Variants in ZC3H10 observed in about 807,000 individuals in gnomAD.
ZC3H10 encodes zinc finger CCCH domain-containing protein 10.
ZC3H10 carries 12 observed loss-of-function variants against 24.3 expected under a neutral mutation model. That is an observed-to-expected ratio of 0.49 (90% CI 0.32 to 0.80). The LOEUF is 0.80. ZC3H10 is among the 30% of genes least tolerant of loss of function. The pLI is 0.04. For missense variants in ZC3H10, 360 were observed against 576.3 expected (o/e 0.62, Z 3.84); for synonymous variants, 226 against 217.0 (o/e 1.04, Z -0.36).
chr12:56,120,646 G>T lies in ZC3H10; in HGVS notation c.84G>T (p.Gly28=). The change falls in exon 3 of 3, where the codon GGG becomes GGT. Residue 28 remains glycine, a synonymous_variant. Coordinates refer to ENST00000257940, the MANE Select transcript of ZC3H10 (RefSeq NM_032786.3). ...GTGGTGGCAGCGAGGAGGCCAGTGG[G>T]GCAGGGGTAGGCAGTGGCGGGGCCA... ...PGGGGSEEAS[G]AGVGSGGASS... 6.2e-7 allele frequency: 1 copy of T among 1,609,578 alleles called. No individual in the cohort carries two copies. The highest frequency in any genetic ancestry group is 8.5e-7 in the Non-Finnish European group (1 of 1,177,344).
At position 56,121,467 on chromosome 12, in the gene ZC3H10, T is replaced by C. The variant is rs747246765; in HGVS notation, c.905T>C (p.Val302Ala). Residue 302 changes from valine to alanine, a missense_variant, in exon 3 of 3, where the codon GTT becomes GCT. This residue lies in a region of ZC3H10 where 133 missense variants were observed against 256.7 expected (regional missense o/e 0.52). Coordinates refer to ENST00000257940, the MANE Select transcript of ZC3H10 (RefSeq NM_032786.3). This position sits in a 1 kb window ranked among gnomAD's most constrained non-coding sequence, Gnocchi z 6.2. Reference sequence around the variant, plus strand: ...ACTCTGGCCCCCACTGTGGGCACTGTTGCCACTTTTAACCATGGCATTGCC... The same window carrying C: ...ACTCTGGCCCCCACTGTGGGCACTGCTGCCACTTTTAACCATGGCATTGCC... ...EQTLAPTVGT[V>A]ATFNHGIAQT... 2 of 1,610,970 alleles carry C rather than the reference T, an allele frequency of 1.2e-6. No homozygotes were observed. Among genetic ancestry groups the C allele is most frequent in the South Asian group, 2.2e-5 (2 of 91,046 alleles).
At position 56,120,623 on chromosome 12, in the gene ZC3H10, G is replaced by A. The variant is rs1010817737; in HGVS notation, c.61G>A (p.Gly21Ser). The change falls in exon 3 of 3, where the codon GGT (glycine) becomes AGT (serine). Residue 21 changes from glycine to serine, a missense_variant. Physicochemically the swap from Gly to Ser is moderately conservative, Grantham distance 56 (BLOSUM62 0). Coordinates refer to ENST00000257940, the MANE Select transcript of ZC3H10 (RefSeq NM_032786.3). ...GAGCAGCGGTGGAGGCCCTGGAGGT[G>A]GTGGCAGCGAGGAGGCCAGTGGGGC... ...TGSSGGGPGG[G>S]GSEEASGAGV... 1.3e-5 allele frequency: 21 copies of A among 1,598,124 alleles called. No homozygotes were observed. The highest frequency in any genetic ancestry group is 1.8e-5 in the Non-Finnish European group (21 of 1,171,260).
rs1465202246 is a variant in ZC3H10, at chr12:56,127,177, T to C, written c.*5310T>C. On this transcript the variant is annotated 3_prime_UTR_variant, in exon 3 of 3. Coordinates refer to ENST00000257940, the MANE Select transcript of ZC3H10 (RefSeq NM_032786.3). ...ACAACACTCCACCTCTAACGCCAGT[T>C]AACTAGTAACAATAGTCATCGGTGT... The C allele has an allele frequency of 6.6e-6, 1 of 152,246 alleles. No individual in the cohort carries two copies. Among genetic ancestry groups the C allele is most frequent in the Non-Finnish European group, 1.5e-5 (1 of 68,042 alleles). 9.4% of individuals were successfully genotyped at this position (152,246 alleles called of 1,614,324 possible). A position where few individuals can be genotyped will look rare whatever the true frequency, so the allele number is the denominator to read the frequency against.
rs759663408 is a variant in ZC3H10 at position 56,121,356 on chromosome 12, A to G, written c.794A>G (p.Asn265Ser). 11 of 1,614,054 alleles carry G rather than the reference A, an allele frequency of 6.8e-6. No individual in the cohort carries two copies. Among genetic ancestry groups the G allele is most frequent in the African/African-American group, 1.3e-5 (1 of 75,022 alleles). ...CAGGTCAGCAACCTGCTGGCCACCAATGAGGTACTACTGGAACAAAATGCT... is the reference window on the plus strand; with the variant it reads ...CAGGTCAGCAACCTGCTGGCCACCAGTGAGGTACTACTGGAACAAAATGCT... ...KKQVSNLLAT[N>S]EVLLEQNAQF... Residue 265 changes from asparagine (N) to serine (S), a missense_variant, in exon 3 of 3, where the codon AAT becomes AGT. Physicochemically the swap from Asn to Ser is conservative, Grantham distance 46 (BLOSUM62 1). This residue lies in a region of ZC3H10 where 133 missense variants were observed against 256.7 expected (regional missense o/e 0.52). Transcript: ENST00000257940. This position sits in a 1 kb window ranked among gnomAD's most constrained non-coding sequence, Gnocchi z 6.2.
At position 56,127,154 on chromosome 12, in the gene ZC3H10, A is replaced by C. The variant is rs1010678097; in HGVS notation, c.*5287A>C. The C allele has an allele frequency of 6.6e-6, 1 of 152,216 alleles. No individual in the cohort carries two copies. The highest frequency in any genetic ancestry group is 1.5e-5 in the Non-Finnish European group (1 of 68,042). 9.4% of individuals were successfully genotyped at this position (152,216 alleles called of 1,614,324 possible). On this transcript the variant is annotated 3_prime_UTR_variant, in exon 3 of 3. Transcript: ENST00000257940. The stretch of plus-strand genomic sequence containing the variant: ...TAGTCTAGTTCCTAGATCCTAGGAC[A>C]ACACTCCACCTCTAACGCCAGTTAA...
Position 56,124,821 on chromosome 12 carries a change from A to G in ZC3H10, c.*2954A>G, listed in dbSNP as rs1023259396. ...CTTAGATCTTGAACTAGTTTGAGGA[A>G]CAATGTTAGAGATTTATATTAGCAA... On this transcript the variant is annotated 3_prime_UTR_variant, in exon 3 of 3. Transcript: ENST00000257940. 1 of 152,244 alleles carries G rather than the reference A, an allele frequency of 6.6e-6. No individual in the cohort carries two copies. The highest frequency in any genetic ancestry group is 1.5e-5 in the Non-Finnish European group (1 of 68,042). The allele number at this position is 152,244 out of a possible 1,614,324, so 9.4% of individuals were successfully genotyped here.
At position 56,123,817 on chromosome 12, in the gene ZC3H10, C is replaced by T. The variant is rs533157959; in HGVS notation, c.*1950C>T. 20 of 152,214 alleles carry T rather than the reference C, an allele frequency of 1.3e-4. No homozygotes were observed. The highest frequency in any genetic ancestry group is 4.6e-4 in the African/African-American group (19 of 41,524). 9.4% of individuals were successfully genotyped at this position (152,214 alleles called of 1,614,324 possible). On this transcript the variant is annotated 3_prime_UTR_variant, in exon 3 of 3. Transcript: ENST00000257940. ...CAAATCCTGACTGACTTTATTTCCT[C>T]CTTGCCAGGTTATCTCCAAAGAGGT...
At position 56,121,651 on chromosome 12, in the gene ZC3H10, G is replaced by A. The variant is rs781232665; in HGVS notation, c.1089G>A (p.Thr363=). The change falls in exon 3 of 3, where the codon ACG becomes ACA. Residue 363 remains threonine, a synonymous_variant. Transcript: ENST00000257940. This position sits in a 1 kb window ranked among gnomAD's most constrained non-coding sequence, Gnocchi z 6.2. ...CCCCACACTTGACCCCAGAGATCAC[G>A]CCACTGTCAGCTGCCCTGGCTCAAA... ...PPPPHLTPEI[T]PLSAALAQTI... The A allele has an allele frequency of 2.5e-6, 4 of 1,604,268 alleles. No individual in the cohort carries two copies. Among genetic ancestry groups the A allele is most frequent in the African/African-American group, 1.4e-5 (1 of 73,218 alleles).
In ZC3H10 at chr12:56,124,152, A is replaced by C. The variant is rs1869926711; in HGVS notation, c.*2285A>C. On this transcript the variant is annotated 3_prime_UTR_variant, in exon 3 of 3. Transcript: ENST00000257940. ...AGAAGAAGGGCAGACAAGTGAACCT[A>C]AGCACAGTCGATGATGAAGTCACTC... The C allele has an allele frequency of 6.6e-6, 1 of 152,238 alleles. No homozygotes were observed. The highest frequency in any genetic ancestry group is 1.5e-5 in the Non-Finnish European group (1 of 68,042). The allele number at this position is 152,238 out of a possible 1,614,324, so 9.4% of individuals were successfully genotyped here.
rs1461202316 is a variant in ZC3H10 at position 56,120,910 on chromosome 12, G to A, written c.348G>A (p.Arg116=). 5 of 1,614,072 alleles carry A rather than the reference G, an allele frequency of 3.1e-6. No homozygotes were observed. The highest frequency in any genetic ancestry group is 4.2e-6 in the Non-Finnish European group (5 of 1,180,040). Residue 116 remains arginine, a synonymous_variant, in exon 3 of 3, where the codon AGG becomes AGA. Transcript: ENST00000257940. Reference sequence around the variant, plus strand: ...CAGGAGAGCTTCCCCCACGGCTGAGGCAGAAAGTAGCAGCTGGCCTTGGCC... The same window carrying A: ...CAGGAGAGCTTCCCCCACGGCTGAGACAGAAAGTAGCAGCTGGCCTTGGCC... ...KKTGELPPRL[R]QKVAAGLGLS...
Position 56,120,939 on chromosome 12 carries a change from C to T in ZC3H10, c.377C>T (p.Ser126Leu). ...RQKVAAGLGLSPADLPNGKEE... is the reference protein window; with the variant it reads ...RQKVAAGLGLLPADLPNGKEE... ...AAAGTAGCAGCTGGCCTTGGCCTTT[C>T]ACCGGCTGACCTACCAAATGGCAAG... The change falls in exon 3 of 3, where the codon TCA becomes TTA. Residue 126 changes from serine to leucine, a missense_variant. This residue lies in a region of ZC3H10 where 126 missense variants were observed against 208.8 expected (regional missense o/e 0.60). Transcript: ENST00000257940. 1.2e-6 allele frequency: 2 copies of T among 1,614,182 alleles called. No individual in the cohort carries two copies. Among genetic ancestry groups the T allele is most frequent in the Non-Finnish European group, 1.7e-6 (2 of 1,180,036 alleles).
Position 56,121,712 on chromosome 12 carries a change from ATGGCTCCTGTGGCTGTATCTG to A in ZC3H10, c.1164_1184del (p.Val389_Ala395del), listed in dbSNP as rs778025306. ...GGGAATGGCACCTCCACCTGTCTCC[ATGGCTCCTGTGGCTGTATCTG>A]TGGCTCCTGTGGCCCCTGTGGCTGT... On this transcript the variant is annotated inframe_deletion, in exon 3 of 3. Transcript: ENST00000257940. This position sits in a 1 kb window ranked among gnomAD's most constrained non-coding sequence, Gnocchi z 6.2. The A allele has an allele frequency of 3.1e-6, 5 of 1,611,956 alleles. No individual in the cohort carries two copies. Among genetic ancestry groups the A allele is most frequent in the Non-Finnish European group, 2.5e-6 (3 of 1,179,740 alleles).
Position 56,121,282 on chromosome 12 carries a change from A to G in ZC3H10, c.720A>G (p.Leu240=). ...APPRGVECRL[L]EEENAMLRKR... ...CGCGAGGGGTGGAGTGCAGACTGCT[A>G]GAGGAGGAGAATGCCATGCTCAGGA... Residue 240 remains leucine (L), a synonymous_variant, in exon 3 of 3, where the codon CTA becomes CTG. Transcript: ENST00000257940. This position sits in a 1 kb window ranked among gnomAD's most constrained non-coding sequence, Gnocchi z 6.2. The G allele has an allele frequency of 6.2e-7, 1 of 1,613,404 alleles. No individual in the cohort carries two copies. Among genetic ancestry groups the G allele is most frequent in the South Asian group, 1.1e-5 (1 of 91,080 alleles).
At position 56,123,050 on chromosome 12, in the gene ZC3H10, C is replaced by T. The variant is rs1459133673; in HGVS notation, c.*1183C>T. The T allele has an allele frequency of 2.0e-5, 3 of 152,228 alleles. No homozygotes were observed. Among genetic ancestry groups the T allele is most frequent in the Non-Finnish European group, 4.4e-5 (3 of 68,060 alleles). 9.4% of individuals were successfully genotyped at this position (152,228 alleles called of 1,614,324 possible). A position where few individuals can be genotyped will look rare whatever the true frequency, so the allele number is the denominator to read the frequency against. ...TAGGGACACAAGCCTCAGGGTCCAT[C>T]CCTTTCCTCTGTCTCCACATAGGAC... On this transcript the variant is annotated 3_prime_UTR_variant, in exon 3 of 3. Transcript: ENST00000257940.
chr12:56,120,618 G>T lies in ZC3H10; in HGVS notation c.56G>T (p.Gly19Val). 6.3e-7 allele frequency: 1 copy of T among 1,596,528 alleles called. No homozygotes were observed. The highest frequency in any genetic ancestry group is 8.5e-7 in the Non-Finnish European group (1 of 1,170,454). Residue 19 changes from glycine to valine, a missense_variant, in exon 3 of 3, where the codon GGA becomes GTA. Coordinates refer to ENST00000257940, the MANE Select transcript of ZC3H10 (RefSeq NM_032786.3). Reference sequence around the variant, plus strand: ...ACCGGGAGCAGCGGTGGAGGCCCTGGAGGTGGTGGCAGCGAGGAGGCCAGT... The same window carrying T: ...ACCGGGAGCAGCGGTGGAGGCCCTGTAGGTGGTGGCAGCGAGGAGGCCAGT... ...NGTGSSGGGPGGGGSEEASGA... is the reference protein window; with the variant it reads ...NGTGSSGGGPVGGGSEEASGA...
In ZC3H10 at chr12:56,125,499, G is replaced by C. The variant is rs1267954018; in HGVS notation, c.*3632G>C. ...CCACCTCGGCCTCCCAAAGTGCTGG[G>C]ATTACAGGCGTTGAGCCACCGCACC... On this transcript the variant is annotated 3_prime_UTR_variant, in exon 3 of 3. Transcript: ENST00000257940. 2 of 152,272 alleles carry C rather than the reference G, an allele frequency of 1.3e-5. No individual in the cohort carries two copies. The highest frequency in any genetic ancestry group is 2.9e-5 in the Non-Finnish European group (2 of 68,120). 9.4% of individuals were successfully genotyped at this position (152,272 alleles called of 1,614,324 possible).
rs1386358376 is a variant in ZC3H10 at position 56,121,121 on chromosome 12, C to T, written c.559C>T (p.His187Tyr). 6.2e-7 allele frequency: 1 copy of T among 1,614,114 alleles called. No homozygotes were observed. Among genetic ancestry groups the T allele is most frequent in the East Asian group, 2.2e-5 (1 of 44,908 alleles). ...AGGCTCAGTCCTCCCAGGACGACGT[C>T]ATGATCTCTATGATATCTATGACCT... ...STGSVLPGRRHDLYDIYDLPD... is the reference protein window; with the variant it reads ...STGSVLPGRRYDLYDIYDLPD... The change falls in exon 3 of 3, where the codon CAT becomes TAT. Residue 187 changes from histidine to tyrosine, a missense_variant. This residue lies in a region of ZC3H10 where 101 missense variants were observed against 110.8 expected (regional missense o/e 0.91). Coordinates refer to ENST00000257940, the MANE Select transcript of ZC3H10 (RefSeq NM_032786.3). The surrounding 1 kb of genome is among the most constrained non-coding windows in gnomAD (Gnocchi z 6.2).
rs1291828865 is a variant in ZC3H10, at chr12:56,120,857, A to G, written c.295A>G (p.Lys99Glu). The G allele has an allele frequency of 5.6e-6, 9 of 1,614,008 alleles. No individual in the cohort carries two copies. Among genetic ancestry groups the G allele is most frequent in the Non-Finnish European group, 7.6e-6 (9 of 1,180,030 alleles). Residue 99 changes from lysine to glutamate, a missense_variant, in exon 3 of 3, where the codon AAG becomes GAG. Lys to Glu is a moderately conservative substitution (Grantham distance 56). Coordinates refer to ENST00000257940, the MANE Select transcript of ZC3H10 (RefSeq NM_032786.3). ...AAATTGCCGTTTCATCCATGGCTCC[A>G]AGGAGGATGAGGATGGCTATAAGAA... ...RPNCRFIHGS[K>E]EDEDGYKKTG...
rs1299155740 is a variant in ZC3H10 at position 56,125,595 on chromosome 12, C to A, written c.*3728C>A. 1.3e-5 allele frequency: 2 copies of A among 152,082 alleles called. No individual in the cohort carries two copies. The highest frequency in any genetic ancestry group is 2.9e-5 in the Non-Finnish European group (2 of 68,030). The allele number at this position is 152,082 out of a possible 1,614,324, so 9.4% of individuals were successfully genotyped here. A position where few individuals can be genotyped will look rare whatever the true frequency, so the allele number is the denominator to read the frequency against. ...GTGCTAGGCACTTTACATGCAACATCTCATTGACACAATGGGTAATATTAT... is the reference window on the plus strand; with the variant it reads ...GTGCTAGGCACTTTACATGCAACATATCATTGACACAATGGGTAATATTAT... On this transcript the variant is annotated 3_prime_UTR_variant, in exon 3 of 3. Transcript: ENST00000257940.
Sources: allele counts gnomAD v4.1 joint callset, GRCh38; gene constraint gnomAD v4.1.1; regional missense constraint gnomAD v4.1.1; non-coding constraint Gnocchi (gnomAD v3.1); transcripts MANE v1.5; gene names NCBI Gene and HGNC (gene_info 2026-07-23, HGNC 2026-07-21).